Variants in GRHL2 observed in about 807,000 individuals in gnomAD.
GRHL2 encodes the protein grainyhead-like protein 2 homolog.
A neutral mutation model predicts 83.8 loss-of-function variants in GRHL2; 21 were observed. The observed-to-expected ratio is 0.25, with a 90% CI of 0.18 to 0.36. The LOEUF (loss-of-function observed/expected upper bound fraction) is 0.36, where lower values mean the gene tolerates loss of function less well. GRHL2 is among the 10% of genes least tolerant of loss of function. GRHL2 has a pLI of 1.00. For missense variants in GRHL2, 623 were observed against 781.8 expected (o/e 0.80, Z 2.42); for synonymous variants, 280 against 278.9 (o/e 1.00, Z -0.04).
At position 101,606,371 on chromosome 8, in the gene GRHL2, A is replaced by G. The variant is rs1383980043; in HGVS notation, c.1098+7220A>G. Among the ~76,000 whole-genome samples, 5 of 152,350 alleles carry G rather than the reference A, an allele frequency of 3.3e-5. No homozygotes were observed. In the East Asian group the frequency reaches 9.6e-4, roughly 29 times the overall value. On this transcript the variant is annotated intron_variant, in intron 8 of 15. Coordinates refer to ENST00000646743, the MANE Select transcript of GRHL2 (RefSeq NM_024915.4). ...GATATTTCCTCTGGGCCCTATTTGCATTAATAGTTTTGCCCCATTGCCTTC... is the reference window on the plus strand; with the variant it reads ...GATATTTCCTCTGGGCCCTATTTGCGTTAATAGTTTTGCCCCATTGCCTTC...
At chr8:101,563,439 G>A (rs1042814956) in intron 4 of GRHL2, among the ~76,000 whole-genome samples, 6 of 152,010 alleles carry the variant, frequency 3.9e-5, no homozygotes, top group Non-Finnish European at 8.8e-5. Flanking sequence ...GTTGCAGAGA[G>A]CAACTGTTGT....
chr8:101,510,741 A>G (rs1810444174), intron 1 of GRHL2, among the ~76,000 whole-genome samples: 1 of 152,202 alleles, frequency 6.6e-6, no homozygotes, highest in Non-Finnish European at 1.5e-5. Flanking sequence ...ATATTCTTCC[A>G]GATGTTTTTC....
At chr8:101,613,794 G>A (rs1038580020) in intron 8 of GRHL2, among the ~76,000 whole-genome samples, 4 of 150,970 alleles carry the variant, frequency 2.6e-5, no homozygotes, top group Non-Finnish European at 5.9e-5. Flanking sequence ...TATTTCTTAT[G>A]TATACCTTGT....
At chr8:101,615,686 A>G (rs759516201) in intron 8 of GRHL2, among the ~76,000 whole-genome samples, 2 of 152,114 alleles carry the variant, frequency 1.3e-5, no homozygotes, top group African/African-American at 2.4e-5. Flanking sequence ...CCTGAAAATT[A>G]TACTTTTTTT....
intron 12 of GRHL2, among the ~76,000 whole-genome samples, chr8:101,640,776 A>T (rs1020484186): frequency 6.6e-6 from 1 of 152,088 alleles, no homozygotes; most frequent in African/African-American, 2.4e-5. Flanking sequence ...TTGGGTGATC[A>T]TGTGTTCAGA....
At chr8:101,608,874 T>C (rs1489760286) in intron 8 of GRHL2, among the ~76,000 whole-genome samples, 1 of 149,916 alleles carries the variant, frequency 6.7e-6, no homozygotes, top group Admixed American at 6.6e-5. Context: ...AGGGTGTGTC[T>C]TCAGGGTCAG....
At position 101,630,413 on chromosome 8, in the gene GRHL2, C is replaced by A. The variant is rs182987743; in HGVS notation, c.1258-1224C>A. Among the ~76,000 whole-genome samples the A allele has an allele frequency of 5.3e-5, 8 of 152,092 alleles. No individual in the cohort carries two copies. The East Asian group carries it at 1.5e-3, about 29-fold the overall frequency. On this transcript the variant is annotated intron_variant, in intron 9 of 15. Transcript: ENST00000646743. ...ATGTTAGCTGTTTTTAAAATTTGAA[C>A]CATTATTTATATATTAAGGATTTGA... is the stretch of plus-strand genomic sequence containing the variant.
chr8:101,511,996 G>T (rs1810476200), intron 1 of GRHL2, among the ~76,000 whole-genome samples: 3 of 151,998 alleles, frequency 2.0e-5, no homozygotes, highest in South Asian at 2.1e-4. Context: ...ATTCCTTTGT[G>T]TATTTAAGAC....
At position 101,516,410 on chromosome 8, in the gene GRHL2, CTTTT is replaced by C. The variant is rs33990862; in HGVS notation, c.20+23640_20+23643del. Among the ~76,000 whole-genome samples, 569 of 86,018 alleles carry C rather than the reference CTTTT, an allele frequency of 6.6e-3. 7 individuals are homozygous for C. The highest frequency in any genetic ancestry group is 0.025 in the African/African-American group (546 of 22,196). The allele number at this position is 86,018 out of a possible 152,430, so 56.4% of individuals were successfully genotyped here. ...ACTGGATTTCTTTTTACCTCTTTTCCTTTTTTTTTTTTTTTTTTTTTTGAGACAG... is the reference window on the plus strand; with the variant it reads ...ACTGGATTTCTTTTTACCTCTTTTCCTTTTTTTTTTTTTTTTTTGAGACAG... On this transcript the variant is annotated intron_variant, in intron 1 of 15. Transcript: ENST00000646743.
At position 101,492,586 on chromosome 8, in the gene GRHL2, G is replaced by A; in HGVS notation, c.-184G>A. On this transcript the variant is annotated 5_prime_UTR_variant, in exon 1 of 16. Coordinates refer to ENST00000646743, the MANE Select transcript of GRHL2 (RefSeq NM_024915.4). ...CCCCCTTATCCCACCTTTCCGGCTA[G>A]GTGAGGGCGCGAGCGGGCGAGCGAG... is the stretch of plus-strand genomic sequence containing the variant. The A allele has an allele frequency of 1.4e-6, 1 of 703,342 alleles. No homozygotes were observed. Among genetic ancestry groups the A allele is most frequent in the Admixed American group, 2.0e-5 (1 of 49,290 alleles). 43.6% of individuals were successfully genotyped at this position (703,342 alleles called of 1,614,324 possible).
At chr8:101,505,809 C>G (rs1196101178) in intron 1 of GRHL2, among the ~76,000 whole-genome samples, 2 of 152,114 alleles carry the variant, frequency 1.3e-5, no homozygotes, top group East Asian at 3.9e-4. Flanking sequence ...TTTTAACATC[C>G]TGAAGTTGAA....
chr8:101,581,148 C>T (rs1812045912), intron 7 of GRHL2, among the ~76,000 whole-genome samples: 1 of 152,226 alleles, frequency 6.6e-6, no homozygotes, highest in African/African-American at 2.4e-5. Flanking sequence ...TTGGTCTGTG[C>T]CTTCCTCTCC....
chr8:101,498,609 G>A (rs1344843254), intron 1 of GRHL2, among the ~76,000 whole-genome samples: 6 of 152,166 alleles, frequency 3.9e-5, no homozygotes, highest in Non-Finnish European at 8.8e-5. Context: ...TAGATCTTCT[G>A]TTGGCCTACA....
rs11382067 is a variant in GRHL2 at position 101,592,100 on chromosome 8, C to CTTTTTTTTT, written c.1004-6943_1004-6935dup. ...GTACAGCACTTTCTTTCTTTCTTTT[C>CTTTTTTTTT]TTTTTTTTTTTTTTTTTTTTTTGAG... is the stretch of plus-strand genomic sequence containing the variant. On this transcript the variant is annotated intron_variant, in intron 7 of 15. Transcript: ENST00000646743. Among the ~76,000 whole-genome samples, 100 of 90,308 alleles carry CTTTTTTTTT rather than the reference C, an allele frequency of 1.1e-3. 3 individuals carry two copies. The highest frequency in any genetic ancestry group is 2.3e-3 in the East Asian group (7 of 2,984). 59.2% of individuals were successfully genotyped at this position (90,308 alleles called of 152,430 possible).
At chr8:101,530,373 G>A (rs1169021751) in intron 1 of GRHL2, among the ~76,000 whole-genome samples, 1 of 152,170 alleles carries the variant, frequency 6.6e-6, no homozygotes, top group Non-Finnish European at 1.5e-5. Context: ...CTCTCTTACT[G>A]CTAGAGATTC....
At chr8:101,652,458 G>GT (rs1813671207) in intron 14 of GRHL2, among the ~76,000 whole-genome samples, 1 of 50,406 alleles carries the variant, frequency 2.0e-5, no homozygotes, top group Non-Finnish European at 3.6e-5. Flanking sequence ...GTGTGTGTCT[G>GT]GTGTGTGTGG....
At chr8:101,523,474 A>G (rs1467257765) in intron 1 of GRHL2, among the ~76,000 whole-genome samples, 1 of 33,184 alleles carries the variant, frequency 3.0e-5, no homozygotes, top group Non-Finnish European at 5.9e-5. Context: ...ATATCCACTG[A>G]AAGTTTTTTT....
intron 2 of GRHL2, among the ~76,000 whole-genome samples, chr8:101,550,603 A>G (rs1365368678): frequency 6.6e-6 from 1 of 152,216 alleles, no homozygotes; most frequent in African/African-American, 2.4e-5. Context: ...TTGTCATAAA[A>G]GATATATAAC....
At chr8:101,502,723 A>G (rs1252346544) in intron 1 of GRHL2, among the ~76,000 whole-genome samples, 1 of 151,338 alleles carries the variant, frequency 6.6e-6, no homozygotes, top group Non-Finnish European at 1.5e-5. Flanking sequence ...GGTGAAAGGG[A>G]TGACCTCCTC....
Sources: gnomAD v4.1 joint callset for allele counts (sites outside exome capture counted in the v4.1 genomes callset) on GRCh38, gnomAD v4.1.1 for gene constraint, MANE v1.5 for transcripts, NCBI Gene and HGNC (gene_info 2026-07-23, HGNC 2026-07-21) for gene names.